Variants in LYPLAL1 observed in about 807,000 individuals in gnomAD.
LYPLAL1 encodes the protein lysophospholipase like 1.
LYPLAL1 carries 23 observed loss-of-function variants against 19.7 expected under a neutral mutation model. That is an observed-to-expected ratio of 1.17 (90% CI 0.84 to 1.65). The LOEUF (loss-of-function observed/expected upper bound fraction) is 1.65, where lower values mean the gene tolerates loss of function less well. LYPLAL1 is among the 40% of genes most tolerant of loss of function. The pLI, the probability that LYPLAL1 is intolerant of heterozygous loss-of-function variation, is 0.00. For missense variants in LYPLAL1, 355 were observed against 279.4 expected, an observed-to-expected ratio of 1.27 and a Z score of -1.93; for synonymous variants, 119 against 96.3, an observed-to-expected ratio of 1.24 and a Z score of -1.38.
At chr1:219,398,744 A>G in the LYPLAL1 span, among the ~76,000 whole-genome samples, 1 of 152,174 alleles carries the variant, frequency 6.6e-6, no homozygotes, top group Non-Finnish European at 1.5e-5. Flanking sequence ...ATCCTATTCG[A>G]TGACCTCGAG....
the LYPLAL1 span, among the ~76,000 whole-genome samples, chr1:219,347,698 A>G: frequency 6.6e-6 from 1 of 152,208 alleles, no homozygotes; most frequent in Non-Finnish European, 1.5e-5. Context: ...GATTCAAATA[A>G]CCCATTACTT....
chr1:219,412,504 A>T, the LYPLAL1 span, among the ~76,000 whole-genome samples: 1 of 152,268 alleles, frequency 6.6e-6, no homozygotes, highest in Non-Finnish European at 1.5e-5. Context: ...AGTAAATGGT[A>T]TACTGTGAGT....
chr1:219,192,065 G>A (rs993648501), intron 2 of LYPLAL1, among the ~76,000 whole-genome samples: 1 of 151,370 alleles, frequency 6.6e-6, no homozygotes, highest in Admixed American at 6.6e-5. Context: ...TTGAAAAATG[G>A]TGTAATTTTG....
At chr1:219,238,611 T>C in the LYPLAL1 span, among the ~76,000 whole-genome samples, 16 of 152,222 alleles carry the variant, frequency 1.1e-4, no homozygotes, top group Admixed American at 2.6e-4. Flanking sequence ...TATAAAGCCT[T>C]TGTTTAGCTT....
chr1:219,226,614 C>T, the LYPLAL1 span, among the ~76,000 whole-genome samples: 1 of 151,930 alleles, frequency 6.6e-6, no homozygotes, highest in Admixed American at 6.6e-5. Context: ...GGTGAATACT[C>T]AATGACTTCA....
At chr1:219,285,548 G>A in the LYPLAL1 span, among the ~76,000 whole-genome samples, 46 of 152,262 alleles carry the variant, frequency 3.0e-4, 1 homozygote, top group Admixed American at 2.2e-3. Flanking sequence ...AAAAGGAATC[G>A]AGTACTGACG....
At chr1:219,246,692 T>C in the LYPLAL1 span, among the ~76,000 whole-genome samples, 3 of 152,180 alleles carry the variant, frequency 2.0e-5, no homozygotes, top group African/African-American at 7.2e-5. Flanking sequence ...GTTCAAGTGA[T>C]CCTCCCACCT....
the LYPLAL1 span, among the ~76,000 whole-genome samples, chr1:219,389,082 T>C: frequency 2.0e-5 from 3 of 152,322 alleles, no homozygotes; most frequent in Non-Finnish European, 4.4e-5. Flanking sequence ...GCATTTGGTA[T>C]AAAATGTATT....
chr1:219,234,697 A>C, the LYPLAL1 span, among the ~76,000 whole-genome samples: 1 of 152,148 alleles, frequency 6.6e-6, no homozygotes, highest in East Asian at 1.9e-4. Flanking sequence ...CATTCATGCC[A>C]TTCCTATAGA....
At chr1:219,353,979 C>T in the LYPLAL1 span, among the ~76,000 whole-genome samples, 1 of 151,998 alleles carries the variant, frequency 6.6e-6, no homozygotes, top group South Asian at 2.1e-4. Context: ...TTAGAACAAT[C>T]ACTGTGTGTA....
chr1:219,401,788 A>C, the LYPLAL1 span, among the ~76,000 whole-genome samples: 3 of 152,174 alleles, frequency 2.0e-5, no homozygotes, highest in African/African-American at 7.2e-5. Context: ...TGCTAGTCCT[A>C]TTGCTAGTAG....
At chr1:219,341,444 C>A in the LYPLAL1 span, among the ~76,000 whole-genome samples, 1 of 152,076 alleles carries the variant, frequency 6.6e-6, no homozygotes, top group Non-Finnish European at 1.5e-5. Context: ...AGCAACATGG[C>A]TCTCCTTTCA....
intron 1 of LYPLAL1, among the ~76,000 whole-genome samples, chr1:219,176,182 C>T (rs569772035): frequency 2.0e-5 from 3 of 152,226 alleles, no homozygotes; most frequent in South Asian, 4.1e-4. Context: ...GTACTAAAGA[C>T]GGACCTTCTT....
At chr1:219,400,659 T>C in the LYPLAL1 span, among the ~76,000 whole-genome samples, 1 of 152,156 alleles carries the variant, frequency 6.6e-6, no homozygotes, top group African/African-American at 2.4e-5. Context: ...CACACCCAGC[T>C]AATTTTTGTA....
chr1:219,437,376 T>C, the LYPLAL1 span, among the ~76,000 whole-genome samples: 1 of 151,982 alleles, frequency 6.6e-6, no homozygotes, highest in Non-Finnish European at 1.5e-5. Flanking sequence ...CCCCACTCCA[T>C]CCCTCCTAAA....
chr1:219,290,944 C>T, the LYPLAL1 span, among the ~76,000 whole-genome samples: 1 of 152,134 alleles, frequency 6.6e-6, no homozygotes, highest in East Asian at 1.9e-4. Context: ...TCATGGAAAA[C>T]CTGAGATCAA....
At chr1:219,387,333 G>A in the LYPLAL1 span, among the ~76,000 whole-genome samples, 2 of 152,202 alleles carry the variant, frequency 1.3e-5, no homozygotes, top group Non-Finnish European at 2.9e-5. Flanking sequence ...CTTTAACTGA[G>A]CCATAATTAA....
the LYPLAL1 span, among the ~76,000 whole-genome samples, chr1:219,374,117 A>G: frequency 2.0e-3 from 310 of 151,306 alleles, 1 homozygote; most frequent in Middle Eastern, 3.4e-3. Flanking sequence ...CAGATTACAA[A>G]TCACATGGTT....
At chr1:219,412,498 A>T in the LYPLAL1 span, among the ~76,000 whole-genome samples, 7 of 152,184 alleles carry the variant, frequency 4.6e-5, no homozygotes, top group African/African-American at 1.4e-4. Context: ...ATCAAGAGTA[A>T]ATGGTATACT....
Sources: gnomAD v4.1 joint callset for allele counts (sites outside exome capture counted in the v4.1 genomes callset) on GRCh38, gnomAD v4.1.1 for gene constraint, MANE v1.5 for transcripts, NCBI Gene and HGNC (gene_info 2026-07-23, HGNC 2026-07-21) for gene names.